ST6GALNAC3: variants seen among roughly 807,000 people sequenced by gnomAD.
ST6GALNAC3 encodes ST6 N-acetylgalactosaminide alpha-2,6-sialyltransferase 3, also known as alpha-N-acetylgalactosaminide alpha-2,6-sialyltransferase 3.
Under a neutral mutation model 32.7 loss-of-function variants are expected in ST6GALNAC3, and 25 were observed. That is an observed-to-expected ratio of 0.76 (90% CI 0.56 to 1.07). The LOEUF (loss-of-function observed/expected upper bound fraction) is 1.07. ST6GALNAC3 is among the 50% of genes least tolerant of loss of function. ST6GALNAC3 has a pLI of 0.00. For missense variants in ST6GALNAC3, 355 were observed against 382.4 expected (o/e 0.93, Z 0.60); for synonymous variants, 129 against 133.1 (o/e 0.97, Z 0.21).
At chr1:76,488,288 AT>A (rs1660264414) in intron 3 of ST6GALNAC3, among the ~76,000 whole-genome samples, 3 of 151,884 alleles carry the variant, frequency 2.0e-5, no homozygotes, top group African/African-American at 7.2e-5. Flanking sequence ...ACTCTCTCTC[AT>A]TTGCTCCTGC....
intron 3 of ST6GALNAC3, among the ~76,000 whole-genome samples, chr1:76,456,331 T>C (rs893192678): frequency 6.6e-6 from 1 of 152,176 alleles, no homozygotes; most frequent in African/African-American, 2.4e-5. Context: ...TTTTTCGTTT[T>C]TCTTTTCTTT....
chr1:76,244,698 A>G (rs1557722752), intron 1 of ST6GALNAC3, among the ~76,000 whole-genome samples: 1 of 152,208 alleles, frequency 6.6e-6, no homozygotes, highest in Non-Finnish European at 1.5e-5. Context: ...CTATTGAGAT[A>G]ATCATGTGGT....
intron 3 of ST6GALNAC3, among the ~76,000 whole-genome samples, chr1:76,539,372 G>A (rs1332963615): frequency 2.0e-5 from 3 of 152,062 alleles, no homozygotes; most frequent in Non-Finnish European, 4.4e-5. Context: ...AACTCAAGAT[G>A]GATTAAAGAC....
At chr1:76,124,986 T>C (rs763964566) in intron 1 of ST6GALNAC3, among the ~76,000 whole-genome samples, 2 of 152,224 alleles carry the variant, frequency 1.3e-5, no homozygotes, top group Admixed American at 6.5e-5. Context: ...AGCTCATTAA[T>C]AATTTTTATA....
intron 3 of ST6GALNAC3, among the ~76,000 whole-genome samples, chr1:76,608,597 A>ATG (rs60960904): frequency 0.17 from 23,069 of 135,018 alleles, 2,112 homozygotes; most frequent in Non-Finnish European, 0.21. Context: ...TGAGCTGGAA[A>ATG]TGTGTGTGTG....
At chr1:76,171,173 G>A (rs374262070) in intron 1 of ST6GALNAC3, among the ~76,000 whole-genome samples, 53 of 151,840 alleles carry the variant, frequency 3.5e-4, no homozygotes, top group African/African-American at 1.2e-3. Context: ...CTACAACTCA[G>A]TCTTGCAAAC....
chr1:76,082,568 C>A (rs1646911743), intron 1 of ST6GALNAC3, among the ~76,000 whole-genome samples: 1 of 152,206 alleles, frequency 6.6e-6, no homozygotes, highest in African/African-American at 2.4e-5. Flanking sequence ...ATTGCTGTTT[C>A]TCTCAATTCA....
In ST6GALNAC3 at chr1:76,633,986, A is replaced by T; in HGVS notation, c.*5180A>T. ...TTCCATGTAAATTGCTAAGGCATCGAATCAGAACTGTCCTTGGGCGTTGTA... is the reference window on the plus strand; with the variant it reads ...TTCCATGTAAATTGCTAAGGCATCGTATCAGAACTGTCCTTGGGCGTTGTA... On this transcript the variant is annotated 3_prime_UTR_variant, in exon 5 of 5. Transcript: ENST00000328299. 1 of 182,746 alleles carries T rather than the reference A, an allele frequency of 5.5e-6. No homozygotes were observed. Among genetic ancestry groups the T allele is most frequent in the Non-Finnish European group, 1.0e-5 (1 of 95,994 alleles). The allele number at this position is 182,746 out of a possible 1,614,324, so 11.3% of individuals were successfully genotyped here.
intron 3 of ST6GALNAC3, among the ~76,000 whole-genome samples, chr1:76,506,744 A>C (rs1661502843): frequency 6.6e-6 from 1 of 152,194 alleles, no homozygotes; most frequent in Non-Finnish European, 1.5e-5. Flanking sequence ...GCGGTAGACA[A>C]TATGTCTAAA....
chr1:76,112,883 A>G lies in ST6GALNAC3; in HGVS notation c.18+37999A>G, dbSNP rs1319763509. Among the ~76,000 whole-genome samples, 38 of 150,406 alleles carry G rather than the reference A, an allele frequency of 2.5e-4. 1 individual carries two copies. Among genetic ancestry groups the G allele is most frequent in the South Asian group, 1.3e-3 (6 of 4,742 alleles). ...GCAGCCAGGCAGAGAGGCTCCTCAC[A>G]TCCCAGACGATGGGCGGCCAGGCAG... is the stretch of plus-strand genomic sequence containing the variant. On this transcript the variant is annotated intron_variant, in intron 1 of 4. Transcript: ENST00000328299.
downstream of ST6GALNAC3, among the ~76,000 whole-genome samples, chr1:76,636,541 T>C (rs993818506): frequency 6.6e-6 from 1 of 152,202 alleles, no homozygotes; most frequent in Non-Finnish European, 1.5e-5. Context: ...AAAGTACTAA[T>C]ATGCCTTAAA....
chr1:76,188,898 A>G (rs1653733333), intron 1 of ST6GALNAC3, among the ~76,000 whole-genome samples: 1 of 152,170 alleles, frequency 6.6e-6, no homozygotes, highest in African/African-American at 2.4e-5. Context: ...GGGCCTGCAC[A>G]CTTCAATCCC....
rs1227205927 is a variant in ST6GALNAC3, at chr1:76,412,426, T to A, written c.623+9T>A. On this transcript the variant is annotated intron_variant, in intron 3 of 4. Transcript: ENST00000328299. ...GAAACTGGGAAGGACAGGTGAGCCCTCTCTGAAGCAGCTTTATTGTCTTTT... is the reference window on the plus strand; with the variant it reads ...GAAACTGGGAAGGACAGGTGAGCCCACTCTGAAGCAGCTTTATTGTCTTTT... The A allele has an allele frequency of 6.3e-7, 1 of 1,576,124 alleles. No individual in the cohort carries two copies. The highest frequency in any genetic ancestry group is 8.6e-7 in the Non-Finnish European group (1 of 1,163,106).
At chr1:76,467,334 C>G (rs554349108) in intron 3 of ST6GALNAC3, among the ~76,000 whole-genome samples, 76 of 151,964 alleles carry the variant, frequency 5.0e-4, no homozygotes, top group Non-Finnish European at 9.3e-4. Flanking sequence ...TTGGAAGGGG[C>G]TCTATCCCAA....
chr1:76,147,209 C>A lies in ST6GALNAC3; in HGVS notation c.18+72325C>A, dbSNP rs545060517. ...TCCCAAGTAGCTGAGATTACAGGCA[C>A]CTGCCACCATGCCCAGCTAATTTTT... On this transcript the variant is annotated intron_variant, in intron 1 of 4. Coordinates refer to ENST00000328299, the MANE Select transcript of ST6GALNAC3 (RefSeq NM_152996.4). Among the ~76,000 whole-genome samples the A allele has an allele frequency of 1.6e-4, 25 of 151,916 alleles. No homozygotes were observed. The South Asian group carries it at 3.7e-3, about 23-fold the overall frequency.
chr1:76,314,949 G>A (rs1436010998), intron 2 of ST6GALNAC3, among the ~76,000 whole-genome samples: 1 of 151,994 alleles, frequency 6.6e-6, no homozygotes, highest in Non-Finnish European at 1.5e-5. Context: ...TAGCATTCTG[G>A]GAGGATGCTA....
intron 3 of ST6GALNAC3, among the ~76,000 whole-genome samples, chr1:76,470,251 A>G (rs1658928414): frequency 6.6e-6 from 1 of 152,054 alleles, no homozygotes; most frequent in South Asian, 2.1e-4. Flanking sequence ...AGCACTGTGA[A>G]TCTCTGTAAC....
At position 76,629,063 on chromosome 1, in the gene ST6GALNAC3, G is replaced by A. The variant is rs1649160517; in HGVS notation, c.*257G>A. Reference sequence around the variant, plus strand: ...CACTTTATAATTTAACTGGAATTGAGATGAAGGCCAGTGACATGACAACTG... The same window carrying A: ...CACTTTATAATTTAACTGGAATTGAAATGAAGGCCAGTGACATGACAACTG... On this transcript the variant is annotated 3_prime_UTR_variant, in exon 5 of 5. Coordinates refer to ENST00000328299, the MANE Select transcript of ST6GALNAC3 (RefSeq NM_152996.4). 8.2e-7 allele frequency: 1 copy of A among 1,221,076 alleles called. No homozygotes were observed. 75.6% of individuals were successfully genotyped at this position (1,221,076 alleles called of 1,614,324 possible).
In ST6GALNAC3 at chr1:76,381,211, A is replaced by G. The variant is rs955306358; in HGVS notation, c.214-30797A>G. Among the ~76,000 whole-genome samples, 6 of 149,128 alleles carry G rather than the reference A, an allele frequency of 4.0e-5. No homozygotes were observed. The East Asian group carries it at 9.9e-4, about 24-fold the overall frequency. ...AGAAAAAAAAAAAGACCACTTCTTT[A>G]GAGAACTGTTAGTGTGATGATAAGA... On this transcript the variant is annotated intron_variant, in intron 2 of 4. Transcript: ENST00000328299.
Sources: allele counts gnomAD v4.1 joint callset (sites outside exome capture counted in the v4.1 genomes callset), GRCh38; gene constraint gnomAD v4.1.1; transcripts MANE v1.5; gene names NCBI Gene and HGNC (gene_info 2026-07-23, HGNC 2026-07-21).